The following AK5 variants were observed in gnomAD, a reference collection of about 807,000 sequenced individuals.
The protein encoded by AK5 is adenylate kinase isoenzyme 5.
In AK5, 27 loss-of-function variants were observed where a neutral mutation model predicts 69.5. That is an observed-to-expected ratio of 0.39 (90% CI 0.29 to 0.54). The LOEUF is 0.54. AK5 is among the 20% of genes least tolerant of loss of function. AK5 has a pLI of 0.71. For missense variants in AK5, 531 were observed against 700.4 expected (o/e 0.76, Z 2.73); for synonymous variants, 260 against 244.4 (o/e 1.06, Z -0.60).
intron 6 of AK5, among the ~76,000 whole-genome samples, chr1:77,406,719 A>T (rs906957257): frequency 2.0e-5 from 3 of 151,826 alleles, no homozygotes; most frequent in Non-Finnish European, 4.4e-5. Flanking sequence ...AAAAAAAAAC[A>T]TACAAAAGGA....
At chr1:77,301,212 G>T (rs1194285452) in intron 5 of AK5, among the ~76,000 whole-genome samples, 3 of 152,160 alleles carry the variant, frequency 2.0e-5, no homozygotes, top group Non-Finnish European at 4.4e-5. Context: ...AGGGACCATG[G>T]TTCCTCCCAG....
chr1:77,466,947 T>C (rs1654179441), intron 8 of AK5, among the ~76,000 whole-genome samples: 1 of 152,186 alleles, frequency 6.6e-6, no homozygotes, highest in African/African-American at 2.4e-5. Flanking sequence ...CCACACTGCA[T>C]TGCAGGTAGC....
At chr1:77,424,803 T>C (rs895938583) in intron 8 of AK5, among the ~76,000 whole-genome samples, 7 of 152,048 alleles carry the variant, frequency 4.6e-5, no homozygotes, top group Admixed American at 3.9e-4. Flanking sequence ...ATATGCATAA[T>C]GGGAATACCA....
In AK5 at chr1:77,389,213, T is replaced by C. The variant is rs147334203; in HGVS notation, c.892-21768T>C. 4.2e-3 allele frequency among the ~76,000 whole-genome samples: 639 copies of C among 152,278 alleles called. 6 individuals carry two copies. Among genetic ancestry groups the C allele is most frequent in the African/African-American group, 0.015 (620 of 41,556 alleles). On this transcript the variant is annotated intron_variant, in intron 6 of 13. Coordinates refer to ENST00000354567, the MANE Select transcript of AK5 (RefSeq NM_174858.3). ...AGACTGTAGAATTACTTTGATGTGA[T>C]ACACTATTGGTAAAAGCCAAGACCA...
chr1:77,553,243 T>C (rs1659904325), intron 13 of AK5, among the ~76,000 whole-genome samples: 1 of 152,086 alleles, frequency 6.6e-6, no homozygotes. Context: ...GGAGCAGAAA[T>C]AGACCATGCT....
At chr1:77,522,440 G>A (rs1658043316) in intron 12 of AK5, among the ~76,000 whole-genome samples, 1 of 152,174 alleles carries the variant, frequency 6.6e-6, no homozygotes, top group Admixed American at 6.5e-5. Flanking sequence ...AGGAAGGATG[G>A]GAAGGGAGGA....
chr1:77,453,956 C>A (rs919624068), intron 8 of AK5, among the ~76,000 whole-genome samples: 4 of 152,154 alleles, frequency 2.6e-5, no homozygotes, highest in Admixed American at 6.5e-5. Context: ...CGGGGAGCCC[C>A]TTTTTCCTCT....
At chr1:77,459,020 G>T (rs968210372) in intron 8 of AK5, among the ~76,000 whole-genome samples, 4 of 152,166 alleles carry the variant, frequency 2.6e-5, no homozygotes, top group African/African-American at 9.7e-5. Flanking sequence ...TGCACAGGGA[G>T]TTGGTGGTCT....
intron 6 of AK5, among the ~76,000 whole-genome samples, chr1:77,371,767 C>T (rs1647126244): frequency 6.6e-6 from 1 of 152,080 alleles, no homozygotes. Context: ...TATGATTTCA[C>T]TATTCCATAG....
At chr1:77,294,695 G>T (rs1304337152) in intron 3 of AK5, among the ~76,000 whole-genome samples, 3 of 152,016 alleles carry the variant, frequency 2.0e-5, no homozygotes, top group African/African-American at 7.2e-5. Context: ...TTGCCACTAT[G>T]AATCTTATGT....
intron 10 of AK5, among the ~76,000 whole-genome samples, chr1:77,510,196 G>A (rs1379676746): frequency 6.6e-6 from 1 of 152,190 alleles, no homozygotes; most frequent in Non-Finnish European, 1.5e-5. Flanking sequence ...ACTGGGCCAG[G>A]TTCTGTGGGG....
chr1:77,428,209 G>A (rs1282470513), intron 8 of AK5, among the ~76,000 whole-genome samples: 1 of 152,230 alleles, frequency 6.6e-6, no homozygotes, highest in Non-Finnish European at 1.5e-5. Flanking sequence ...AGCAGAGTGT[G>A]TAGAGTTGCT....
At chr1:77,430,354 G>A (rs1025709409) in intron 8 of AK5, among the ~76,000 whole-genome samples, 1 of 152,178 alleles carries the variant, frequency 6.6e-6, no homozygotes, top group Non-Finnish European at 1.5e-5. Flanking sequence ...TTTTCAACTG[G>A]TACAGCTGGG....
chr1:77,540,520 G>A (rs1318912470), intron 13 of AK5: 1 of 152,194 alleles, frequency 6.6e-6, no homozygotes, highest in Non-Finnish European at 1.5e-5. Flanking sequence ...TAGCCTACAA[G>A]AAGAAGTTTT....
intron 5 of AK5, among the ~76,000 whole-genome samples, chr1:77,324,328 T>C (rs1385575673): frequency 1.4e-5 from 2 of 147,628 alleles, no homozygotes; most frequent in African/African-American, 5.0e-5. Flanking sequence ...CGTGTGTGTG[T>C]GTGTGTGTGT....
intron 5 of AK5, among the ~76,000 whole-genome samples, chr1:77,332,680 A>G (rs1661153978): frequency 6.6e-6 from 1 of 151,688 alleles, no homozygotes; most frequent in South Asian, 2.1e-4. Context: ...ATTGATGATT[A>G]TATGATTTCA....
intron 10 of AK5, among the ~76,000 whole-genome samples, chr1:77,487,908 ATGGATATATCATTAACCT>A (rs1359978918): frequency 6.6e-6 from 1 of 152,242 alleles, no homozygotes; most frequent in African/African-American, 2.4e-5. Flanking sequence ...GAAGAGAATA[ATGGATATATCATTAACCT>A]TGAAAAGTAT....
intron 12 of AK5, among the ~76,000 whole-genome samples, chr1:77,526,604 T>C (rs1444569694): frequency 6.7e-6 from 1 of 148,956 alleles, no homozygotes; most frequent in East Asian, 2.0e-4. Context: ...GCCTCCCAAG[T>C]AGCTGGGACT....
chr1:77,533,947 C>CT (rs200517175), intron 12 of AK5, among the ~76,000 whole-genome samples: 48 of 147,848 alleles, frequency 3.2e-4, no homozygotes, highest in Admixed American at 5.4e-4. Context: ...CACAAATGCT[C>CT]TTTTTTTTTT....
Sources: gnomAD v4.1 joint callset for allele counts (sites outside exome capture counted in the v4.1 genomes callset) on GRCh38, gnomAD v4.1.1 for gene constraint, MANE v1.5 for transcripts, NCBI Gene and HGNC (gene_info 2026-07-23, HGNC 2026-07-21) for gene names.